Variants in ANKH observed in about 807,000 individuals in gnomAD.
ANKH encodes ANKH inorganic pyrophosphate transport regulator, also known as mineralization regulator ANKH.
ANKH carries 15 observed loss-of-function variants against 49.0 expected under a neutral mutation model. The ratio of observed to expected loss-of-function variants is 0.31; its 90% CI spans 0.20 to 0.47. The LOEUF (loss-of-function observed/expected upper bound fraction) is 0.47, where lower values mean the gene tolerates loss of function less well. Among genes scored for constraint, ANKH ranks in the 20% least tolerant of loss-of-function variants. The pLI, the probability that ANKH is intolerant of heterozygous loss-of-function variation, is 1.00. For missense variants in ANKH, 429 were observed against 652.0 expected, an observed-to-expected ratio of 0.66 and a Z score of 3.72; for synonymous variants, 273 against 260.0, an observed-to-expected ratio of 1.05 and a Z score of -0.48.
intron 1 of ANKH, among the ~76,000 whole-genome samples, chr5:14,850,620 A>G (rs759332719): frequency 1.3e-5 from 2 of 152,192 alleles, no homozygotes; most frequent in African/African-American, 2.4e-5. Context: ...CAGTCCTACT[A>G]TGGCACCTCC....
intron 1 of ANKH, among the ~76,000 whole-genome samples, chr5:14,791,502 T>A (rs1740164363): frequency 6.6e-6 from 1 of 152,180 alleles, no homozygotes; most frequent in Non-Finnish European, 1.5e-5. Context: ...CTTAGCTTCG[T>A]TTTCTTTTTA....
At chr5:14,727,594 C>G (rs1051708065) in intron 8 of ANKH, among the ~76,000 whole-genome samples, 1 of 151,976 alleles carries the variant, frequency 6.6e-6, no homozygotes, top group Admixed American at 6.6e-5. Flanking sequence ...CAGCTTTAAT[C>G]CTTTCCTGGT....
At chr5:14,842,001 G>T (rs1580110461) in intron 1 of ANKH, among the ~76,000 whole-genome samples, 1 of 152,080 alleles carries the variant, frequency 6.6e-6, no homozygotes, top group African/African-American at 2.4e-5. Context: ...AAATAAAAAG[G>T]ATTCGTTCTT....
intron 1 of ANKH, among the ~76,000 whole-genome samples, chr5:14,828,544 C>T (rs1255533159): frequency 6.6e-6 from 1 of 151,954 alleles, no homozygotes; most frequent in Non-Finnish European, 1.5e-5. Flanking sequence ...AAAAAACAAA[C>T]AAACAACAAC....
At chr5:14,726,223 G>A (rs912669445) in intron 8 of ANKH, among the ~76,000 whole-genome samples, 2 of 152,158 alleles carry the variant, frequency 1.3e-5, no homozygotes, top group African/African-American at 2.4e-5. Flanking sequence ...TGTCTTGCTC[G>A]ACTTTCCAGA....
chr5:14,727,976 A>G (rs1737873904), intron 8 of ANKH, among the ~76,000 whole-genome samples: 1 of 152,234 alleles, frequency 6.6e-6, no homozygotes, highest in Non-Finnish European at 1.5e-5. Context: ...GTGTCTTATT[A>G]TGAGGGCTTA....
At chr5:14,838,330 A>G (rs1278880343) in intron 1 of ANKH, among the ~76,000 whole-genome samples, 4 of 152,038 alleles carry the variant, frequency 2.6e-5, no homozygotes, top group African/African-American at 9.7e-5. Flanking sequence ...GCACATGTAT[A>G]CATATGTAAT....
intron 1 of ANKH, chr5:14,797,269 G>T: frequency 2.1e-6 from 3 of 1,433,836 alleles, no homozygotes; most frequent in Non-Finnish European, 3.0e-6. Context: ...GAGAAATCAG[G>T]TATCTTGGCA....
chr5:14,740,963 GACA>G lies in ANKH; in HGVS notation c.1011+861_1011+863del, dbSNP rs1738335042. Among the ~76,000 whole-genome samples, 5 of 152,184 alleles carry G rather than the reference GACA, an allele frequency of 3.3e-5. No individual in the cohort carries two copies. In the South Asian group the frequency reaches 1.0e-3, roughly 31 times the overall value. On this transcript the variant is annotated intron_variant, in intron 8 of 11. Transcript: ENST00000284268. ...CCGGATTTAATAGGACATGTGTTGT[GACA>G]ACAATAAACAAGGAAAACAGAACCG...
intron 2 of ANKH, among the ~76,000 whole-genome samples, chr5:14,767,538 C>T (rs1267249056): frequency 1.3e-5 from 2 of 152,004 alleles, no homozygotes; most frequent in Non-Finnish European, 2.9e-5. Context: ...ACTAAAATGA[C>T]ATTGATTTTT....
intron 2 of ANKH, among the ~76,000 whole-genome samples, chr5:14,762,967 C>T (rs1739138804): frequency 6.6e-6 from 1 of 152,184 alleles, no homozygotes; most frequent in African/African-American, 2.4e-5. Context: ...AAGACACTGA[C>T]TTGACCTGTT....
rs142521467 is a variant in ANKH at position 14,840,972 on chromosome 5, C to T, written c.96+30380G>A. On this transcript the variant is annotated intron_variant, in intron 1 of 11. Coordinates refer to ENST00000284268, the MANE Select transcript of ANKH (RefSeq NM_054027.6). Reference sequence around the variant, plus strand: ...TGCCATTTGGTTTTTTATAACTTGACAGGCTAACACCTTAATCATGGTCTT... The same window carrying T: ...TGCCATTTGGTTTTTTATAACTTGATAGGCTAACACCTTAATCATGGTCTT... Among the ~76,000 whole-genome samples the T allele has an allele frequency of 4.4e-4, 67 of 152,312 alleles. No homozygotes were observed. The East Asian group carries it at 5.0e-3, about 11-fold the overall frequency.
At chr5:14,813,739 C>T (rs1050826320) in intron 1 of ANKH, among the ~76,000 whole-genome samples, 4 of 152,194 alleles carry the variant, frequency 2.6e-5, no homozygotes, top group South Asian at 4.1e-4. Context: ...CTCAGCTCTC[C>T]GTTGCTTCTT....
chr5:14,819,443 G>T (rs1171790462), intron 1 of ANKH, among the ~76,000 whole-genome samples: 1 of 152,164 alleles, frequency 6.6e-6, no homozygotes, highest in Non-Finnish European at 1.5e-5. Flanking sequence ...CTACAAGGAG[G>T]TCCTCTCTGC....
rs575081427 is a variant in ANKH at position 14,706,272 on chromosome 5, A to G, written c.*4925T>C. On this transcript the variant is annotated 3_prime_UTR_variant, in exon 12 of 12. Transcript: ENST00000284268. ...CTGACAGCCACCTATAAAAGTGCAT[A>G]TATCTTATGCAGTCTTTTAGAGATC... is the stretch of plus-strand genomic sequence containing the variant. 43 of 152,354 alleles carry G rather than the reference A, an allele frequency of 2.8e-4. No individual in the cohort carries two copies. The highest frequency in any genetic ancestry group is 5.2e-4 in the Admixed American group (8 of 15,310). The allele number at this position is 152,354 out of a possible 1,614,324, so 9.4% of individuals were successfully genotyped here.
At chr5:14,799,521 A>G (rs1016894788) in intron 1 of ANKH, among the ~76,000 whole-genome samples, 1 of 152,178 alleles carries the variant, frequency 6.6e-6, no homozygotes, top group Non-Finnish European at 1.5e-5. Context: ...GTTAGGGGCT[A>G]ATGCAGGTGG....
At chr5:14,818,301 C>A (rs1034593680) in intron 1 of ANKH, among the ~76,000 whole-genome samples, 2 of 151,982 alleles carry the variant, frequency 1.3e-5, no homozygotes, top group African/African-American at 2.4e-5. Flanking sequence ...CTCCCTTCTC[C>A]TCCTCTCCCT....
chr5:14,788,660 T>G (rs985085205), intron 1 of ANKH, among the ~76,000 whole-genome samples: 3 of 151,838 alleles, frequency 2.0e-5, no homozygotes, highest in African/African-American at 4.8e-5. Context: ...AACTCAGGAG[T>G]TGAAGATGGA....
At chr5:14,816,417 T>C (rs1741040530) in intron 1 of ANKH, among the ~76,000 whole-genome samples, 1 of 152,120 alleles carries the variant, frequency 6.6e-6, no homozygotes, top group African/African-American at 2.4e-5. Context: ...TCACAATCCT[T>C]TTATTTGAAC....
Sources: allele counts gnomAD v4.1 joint callset (sites outside exome capture counted in the v4.1 genomes callset), GRCh38; gene constraint gnomAD v4.1.1; transcripts MANE v1.5; gene names NCBI Gene and HGNC (gene_info 2026-07-23, HGNC 2026-07-21).